DGKB: variants seen among roughly 807,000 people sequenced by gnomAD.
DGKB encodes diacylglycerol kinase beta.
In DGKB, 67 loss-of-function variants were observed where a neutral mutation model predicts 114.3. The observed-to-expected ratio is 0.59, with a 90% CI of 0.48 to 0.72. The LOEUF (loss-of-function observed/expected upper bound fraction) is 0.72, where lower values mean the gene tolerates loss of function less well. DGKB is among the 30% of genes least tolerant of loss of function. The probability of loss-of-function intolerance (pLI) is 0.00; values close to 1 mark genes in which losing one functional copy is unlikely to be tolerated. For synonymous variants in DGKB, 398 were observed against 323.1 expected (o/e 1.23, Z -2.49); for missense variants, 907 against 975.2 (o/e 0.93, Z 0.93).
chr7:14,249,962 A>G (rs991278746), intron 23 of DGKB, among the ~76,000 whole-genome samples: 9 of 149,918 alleles, frequency 6.0e-5, no homozygotes, highest in Admixed American at 4.7e-4. Flanking sequence ...TTCTTTTTCT[A>G]TTTTATTTTG....
At chr7:14,823,066 TATCTC>T (rs1335211953) in intron 2 of DGKB, among the ~76,000 whole-genome samples, 2 of 151,834 alleles carry the variant, frequency 1.3e-5, no homozygotes, top group Non-Finnish European at 2.9e-5. Context: ...TATGTCTAAT[TATCTC>T]ATCTCATACA....
At chr7:14,230,083 T>C (rs1431201425) in intron 23 of DGKB, among the ~76,000 whole-genome samples, 5 of 152,100 alleles carry the variant, frequency 3.3e-5, no homozygotes, top group South Asian at 2.1e-4. Context: ...TTACTTCCTA[T>C]GGGCTCATAC....
At chr7:14,561,384 A>T (rs1796636381) in intron 20 of DGKB, among the ~76,000 whole-genome samples, 1 of 152,184 alleles carries the variant, frequency 6.6e-6, no homozygotes, top group Admixed American at 6.5e-5. Flanking sequence ...AGCATCATGG[A>T]AACAGATGAA....
At chr7:14,579,885 AG>A (rs903194136) in intron 19 of DGKB, among the ~76,000 whole-genome samples, 2 of 152,162 alleles carry the variant, frequency 1.3e-5, no homozygotes, top group Non-Finnish European at 2.9e-5. Flanking sequence ...CAAGTGCCCC[AG>A]GGACTCTGTT....
intron 6 of DGKB, among the ~76,000 whole-genome samples, chr7:14,718,330 G>T (rs765859036): frequency 2.0e-5 from 3 of 152,112 alleles, no homozygotes; most frequent in Non-Finnish European, 4.4e-5. Flanking sequence ...ATAATCAGTA[G>T]TAAATGGAAC....
intron 21 of DGKB, among the ~76,000 whole-genome samples, chr7:14,360,448 GTA>G (rs112459240): frequency 0.011 from 1,553 of 146,828 alleles, 29 homozygotes; most frequent in African/African-American, 0.035. Flanking sequence ...AGAACTTAAA[GTA>G]TATATATATA....
intron 3 of DGKB, among the ~76,000 whole-genome samples, chr7:14,755,762 T>C (rs1197027688): frequency 1.3e-5 from 2 of 152,156 alleles, no homozygotes; most frequent in Non-Finnish European, 2.9e-5. Flanking sequence ...TACTAGTTTT[T>C]TAAATGGTTA....
chr7:14,299,484 G>A (rs373918407), intron 23 of DGKB, among the ~76,000 whole-genome samples: 1 of 152,032 alleles, frequency 6.6e-6, no homozygotes, highest in Non-Finnish European at 1.5e-5. Flanking sequence ...TTGAAGAAAA[G>A]GCAGTTTTGT....
At chr7:14,547,900 C>G (rs1425914494) in intron 20 of DGKB, among the ~76,000 whole-genome samples, 1 of 152,020 alleles carries the variant, frequency 6.6e-6, no homozygotes, top group African/African-American at 2.4e-5. Flanking sequence ...TTAGAAGATC[C>G]CTTGCTTTGA....
In DGKB at chr7:14,381,999, G is replaced by T. The variant is rs1245129690; in HGVS notation, c.1836-36608C>A. On this transcript the variant is annotated intron_variant, in intron 21 of 25. Coordinates refer to ENST00000402815, the MANE Select transcript of DGKB (RefSeq NM_001350709.2). ...GTTTTGTCAGTATGACTTCTTTTTGGAGTCTGAGTTATGCATTTGACATGA... is the reference window on the plus strand; with the variant it reads ...GTTTTGTCAGTATGACTTCTTTTTGTAGTCTGAGTTATGCATTTGACATGA... Among the ~76,000 whole-genome samples, 9 of 152,208 alleles carry T rather than the reference G, an allele frequency of 5.9e-5. No individual in the cohort carries two copies. The South Asian group carries it at 1.9e-3, about 32-fold the overall frequency.
intron 21 of DGKB, among the ~76,000 whole-genome samples, chr7:14,458,357 C>T (rs1832598335): frequency 3.3e-5 from 5 of 151,870 alleles, no homozygotes; most frequent in Admixed American, 3.3e-4. Context: ...TGAATAAATA[C>T]CTCTGATAAA....
At chr7:14,535,403 GA>G (rs1349854608) in intron 20 of DGKB, among the ~76,000 whole-genome samples, 4 of 146,944 alleles carry the variant, frequency 2.7e-5, no homozygotes. Context: ...AAGAAAGAAA[GA>G]AAGAAAAATT....
intron 20 of DGKB, among the ~76,000 whole-genome samples, chr7:14,501,296 A>G (rs1320236554): frequency 6.6e-6 from 1 of 151,918 alleles, no homozygotes; most frequent in Non-Finnish European, 1.5e-5. Context: ...GGATCTTCTT[A>G]AGGACAGTGT....
intron 20 of DGKB, among the ~76,000 whole-genome samples, chr7:14,528,246 A>C (rs12666867): frequency 0.43 from 64,774 of 151,808 alleles, 14,749 homozygotes; most frequent in East Asian, 0.72. Flanking sequence ...CCTTTATAAA[A>C]TAGCCCATTC....
intron 5 of DGKB, among the ~76,000 whole-genome samples, chr7:14,734,086 G>T (rs142788588): frequency 0.02 from 3,087 of 152,020 alleles, 57 homozygotes; most frequent in Non-Finnish European, 0.031. Flanking sequence ...CCAGCCTGGA[G>T]TGCAGTGATG....
intron 20 of DGKB, among the ~76,000 whole-genome samples, chr7:14,479,343 C>A (rs182463630): frequency 6.6e-6 from 1 of 152,056 alleles, no homozygotes; most frequent in Non-Finnish European, 1.5e-5. Context: ...AGAGAGGGAC[C>A]AATGCCCACT....
chr7:14,146,622 C>G lies in DGKB; in HGVS notation c.*2509G>C, dbSNP rs1781505536. ...ATATCTTCTCTGATTTCAAACCCAT[C>G]AAGTTACGTTTTTAAAAACTACTTT... is the stretch of plus-strand genomic sequence containing the variant. On this transcript the variant is annotated 3_prime_UTR_variant, in exon 26 of 26. Transcript: ENST00000402815. 1 of 152,118 alleles carries G rather than the reference C, an allele frequency of 6.6e-6. No homozygotes were observed. The highest frequency in any genetic ancestry group is 2.1e-4 in the South Asian group (1 of 4,828). The allele number at this position is 152,118 out of a possible 1,614,324, so 9.4% of individuals were successfully genotyped here.
intron 5 of DGKB, among the ~76,000 whole-genome samples, chr7:14,721,698 C>A (rs891846049): frequency 1.3e-5 from 2 of 152,054 alleles, no homozygotes; most frequent in Non-Finnish European, 2.9e-5. Context: ...AAGAACTAAT[C>A]AACTCTTCCT....
intron 1 of DGKB, among the ~76,000 whole-genome samples, chr7:14,877,770 GAAAT>G (rs1468580140): frequency 6.6e-6 from 1 of 152,088 alleles, no homozygotes; most frequent in Non-Finnish European, 1.5e-5. Flanking sequence ...CTTTTACCAA[GAAAT>G]AAATAATTCT....
Sources: gnomAD v4.1 joint callset for allele counts (sites outside exome capture counted in the v4.1 genomes callset) on GRCh38, gnomAD v4.1.1 for gene constraint, MANE v1.5 for transcripts, NCBI Gene and HGNC (gene_info 2026-07-23, HGNC 2026-07-21) for gene names.